Variants in HS6ST3 observed in about 807,000 individuals in gnomAD.
HS6ST3 encodes the protein heparan sulfate 6-O-sulfotransferase 3, also known as heparan-sulfate 6-O-sulfotransferase 3.
Under a neutral mutation model 36.7 loss-of-function variants are expected in HS6ST3, and 12 were observed. The ratio of observed to expected loss-of-function variants is 0.33; its 90% confidence interval spans 0.21 to 0.53. HS6ST3 has a LOEUF of 0.53. Ranked by LOEUF, HS6ST3 falls within the 20% of genes least tolerant of loss-of-function variation. The pLI is 0.95. For missense variants in HS6ST3, 584 were observed against 640.9 expected, an observed-to-expected ratio of 0.91 and a Z score of 0.96; for synonymous variants, 240 against 257.5, an observed-to-expected ratio of 0.93 and a Z score of 0.65.
intron 1 of HS6ST3, among the ~76,000 whole-genome samples, chr13:96,748,959 C>A (rs1416661902): frequency 2.0e-5 from 3 of 152,094 alleles, no homozygotes; most frequent in Non-Finnish European, 4.4e-5. Flanking sequence ...TCCTATTATA[C>A]TTCAGTTTAG....
intron 1 of HS6ST3, among the ~76,000 whole-genome samples, chr13:96,763,245 T>C (rs1050727120): frequency 6.7e-6 from 1 of 150,020 alleles, no homozygotes; most frequent in Admixed American, 6.7e-5. Flanking sequence ...AATAGAAATA[T>C]GTTTAATAGA....
intron 1 of HS6ST3, among the ~76,000 whole-genome samples, chr13:96,664,222 A>G (rs1401029631): frequency 6.6e-6 from 1 of 152,194 alleles, no homozygotes; most frequent in African/African-American, 2.4e-5. Context: ...GTATGTGTGT[A>G]TGTGCACCCA....
intron 1 of HS6ST3, among the ~76,000 whole-genome samples, chr13:96,401,453 G>A (rs1341446414): frequency 6.6e-6 from 1 of 152,144 alleles, no homozygotes; most frequent in East Asian, 1.9e-4. Flanking sequence ...TGCCTCTATA[G>A]GCAGACAGCA....
At chr13:96,218,163 G>A (rs568651211) in intron 1 of HS6ST3, among the ~76,000 whole-genome samples, 1 of 152,288 alleles carries the variant, frequency 6.6e-6, no homozygotes, top group South Asian at 2.1e-4. Flanking sequence ...CATCAGCAAT[G>A]CTCCTCACCA....
chr13:96,385,009 A>G (rs986779753), intron 1 of HS6ST3, among the ~76,000 whole-genome samples: 1 of 151,962 alleles, frequency 6.6e-6, no homozygotes, highest in Non-Finnish European at 1.5e-5. Flanking sequence ...GAGAAACCCC[A>G]TCTCTACTAA....
chr13:96,796,092 A>C (rs1321344188), intron 1 of HS6ST3, among the ~76,000 whole-genome samples: 1 of 152,152 alleles, frequency 6.6e-6, no homozygotes. Flanking sequence ...GTTACCTTTC[A>C]GAAGCATTAT....
chr13:96,147,292 A>G (rs948236186), intron 1 of HS6ST3, among the ~76,000 whole-genome samples: 7 of 152,152 alleles, frequency 4.6e-5, no homozygotes, highest in African/African-American at 1.7e-4. Flanking sequence ...AGGTTACCCC[A>G]AATCACTCAA....
intron 1 of HS6ST3, among the ~76,000 whole-genome samples, chr13:96,611,298 T>C (rs2056456590): frequency 6.6e-6 from 1 of 151,914 alleles, no homozygotes; most frequent in African/African-American, 2.4e-5. Context: ...AAAATAGACA[T>C]TTATTTGATG....
At chr13:96,174,033 A>G (rs114809752) in intron 1 of HS6ST3, among the ~76,000 whole-genome samples, 105 of 151,634 alleles carry the variant, frequency 6.9e-4, no homozygotes, top group African/African-American at 2.5e-3. Context: ...AAGGCTTTTA[A>G]CAGATAGGAA....
At chr13:96,754,844 C>T (rs979943220) in intron 1 of HS6ST3, among the ~76,000 whole-genome samples, 4 of 151,978 alleles carry the variant, frequency 2.6e-5, no homozygotes, top group African/African-American at 9.7e-5. Flanking sequence ...TTATAGTTCT[C>T]TTCATATAAT....
chr13:96,573,479 A>G (rs1191179487), intron 1 of HS6ST3, among the ~76,000 whole-genome samples: 1 of 152,178 alleles, frequency 6.6e-6, no homozygotes, highest in Non-Finnish European at 1.5e-5. Flanking sequence ...AAGAGAAAAG[A>G]TACAGGAAGA....
At chr13:96,179,770 T>G (rs2054230634) in intron 1 of HS6ST3, among the ~76,000 whole-genome samples, 1 of 150,506 alleles carries the variant, frequency 6.6e-6, no homozygotes, top group African/African-American at 2.5e-5. Flanking sequence ...ATTTATTATG[T>G]AATTTTTTCC....
chr13:96,182,284 T>C (rs1279609940), intron 1 of HS6ST3, among the ~76,000 whole-genome samples: 1 of 152,240 alleles, frequency 6.6e-6, no homozygotes, highest in East Asian at 1.9e-4. Flanking sequence ...TGCAATTCAT[T>C]TTGACTTTTG....
At chr13:96,723,717 G>A (rs1046597300) in intron 1 of HS6ST3, among the ~76,000 whole-genome samples, 4 of 152,166 alleles carry the variant, frequency 2.6e-5, no homozygotes, top group Non-Finnish European at 5.9e-5. Flanking sequence ...CCTGGCAAGT[G>A]CCTTCTCTTT....
At chr13:96,708,532 G>A (rs1875483789) in intron 1 of HS6ST3, among the ~76,000 whole-genome samples, 1 of 152,118 alleles carries the variant, frequency 6.6e-6, no homozygotes, top group African/African-American at 2.4e-5. Context: ...CTTGTCACCT[G>A]TACTACTGTC....
chr13:96,145,554 C>T (rs541638677), intron 1 of HS6ST3, among the ~76,000 whole-genome samples: 1 of 152,062 alleles, frequency 6.6e-6, no homozygotes, highest in Non-Finnish European at 1.5e-5. Context: ...TGGATATTAG[C>T]CCTTTGTCAG....
intron 1 of HS6ST3, among the ~76,000 whole-genome samples, chr13:96,384,940 G>A (rs539753838): frequency 6.6e-6 from 1 of 152,292 alleles, no homozygotes; most frequent in East Asian, 1.9e-4. Context: ...AGCACTTTGG[G>A]AGGCAGAGGC....
At chr13:96,400,783 ATTTG>A (rs2055447133) in intron 1 of HS6ST3, among the ~76,000 whole-genome samples, 1 of 152,076 alleles carries the variant, frequency 6.6e-6, no homozygotes, top group Non-Finnish European at 1.5e-5. Context: ...TTTGCACAAA[ATTTG>A]TTTCTTTCCT....
At chr13:96,378,597 C>T (rs761409494) in intron 1 of HS6ST3, among the ~76,000 whole-genome samples, 2 of 152,078 alleles carry the variant, frequency 1.3e-5, no homozygotes, top group South Asian at 4.1e-4. Context: ...ATTTATTGAA[C>T]GACTGAGTGG....
Sources: allele counts gnomAD v4.1 joint callset (sites outside exome capture counted in the v4.1 genomes callset), GRCh38; gene constraint gnomAD v4.1.1; transcripts MANE v1.5; gene names NCBI Gene and HGNC (gene_info 2026-07-23, HGNC 2026-07-21).